Variants in PDE4D observed in about 807,000 individuals in gnomAD.
The protein encoded by PDE4D is 3',5'-cyclic-AMP phosphodiesterase 4D.
PDE4D carries 24 observed loss-of-function variants against 87.4 expected under a neutral mutation model. The ratio of observed to expected loss-of-function variants is 0.27; its 90% CI spans 0.20 to 0.39. The LOEUF (loss-of-function observed/expected upper bound fraction) is 0.39. PDE4D is among the 10% of genes least tolerant of loss of function. The pLI is 1.00. For synonymous variants in PDE4D, 384 were observed against 383.2 expected (o/e 1.00, Z -0.02); for missense variants, 714 against 1,041.0 (o/e 0.69, Z 4.32).
intron 1 of PDE4D, among the ~76,000 whole-genome samples, chr5:60,314,048 T>C (rs1476459680): frequency 1.3e-5 from 2 of 151,888 alleles, no homozygotes; most frequent in Non-Finnish European, 2.9e-5. Flanking sequence ...ATGCCAAATA[T>C]CACTACTACT....
chr5:59,945,725 A>T (rs1160393686), intron 3 of PDE4D, among the ~76,000 whole-genome samples: 2 of 152,226 alleles, frequency 1.3e-5, no homozygotes, highest in Non-Finnish European at 2.9e-5. Flanking sequence ...CATGTCTCAA[A>T]GCCTAATGCC....
At chr5:58,980,957 G>A (rs1744975816) in intron 11 of PDE4D, among the ~76,000 whole-genome samples, 1 of 152,142 alleles carries the variant, frequency 6.6e-6, no homozygotes, top group Non-Finnish European at 1.5e-5. Flanking sequence ...TGATGTTAGA[G>A]GCAGGAGAAT....
intron 1 of PDE4D, among the ~76,000 whole-genome samples, chr5:59,430,844 A>T (rs1346320060): frequency 6.6e-6 from 1 of 152,192 alleles, no homozygotes; most frequent in East Asian, 1.9e-4. Context: ...TAAACAAAGC[A>T]TGCATATCTG....
intron 2 of PDE4D, among the ~76,000 whole-genome samples, chr5:60,043,650 G>C (rs1046738541): frequency 1.4e-5 from 2 of 145,940 alleles, no homozygotes; most frequent in Non-Finnish European, 3.0e-5. Context: ...TTAAAGGAAG[G>C]AATTTTCTTT....
At chr5:59,773,779 A>G (rs1366625978) in intron 1 of PDE4D, among the ~76,000 whole-genome samples, 2 of 152,154 alleles carry the variant, frequency 1.3e-5, no homozygotes, top group African/African-American at 2.4e-5. Flanking sequence ...ACATCTGAAC[A>G]CTGTAGAACA....
chr5:59,707,808 C>T (rs1347697267), intron 1 of PDE4D, among the ~76,000 whole-genome samples: 1 of 152,138 alleles, frequency 6.6e-6, no homozygotes, highest in Non-Finnish European at 1.5e-5. Context: ...TTTATGGCTG[C>T]ATGGTATCCC....
At chr5:59,458,662 T>C (rs1198620021) in intron 1 of PDE4D, among the ~76,000 whole-genome samples, 1 of 152,210 alleles carries the variant, frequency 6.6e-6, no homozygotes. Context: ...CAAACCCAGA[T>C]TGGTACCTTG....
intron 5 of PDE4D, among the ~76,000 whole-genome samples, chr5:59,102,278 G>T (rs192232426): frequency 2.6e-5 from 4 of 151,504 alleles, no homozygotes; most frequent in Non-Finnish European, 5.9e-5. Flanking sequence ...TAGAGATGGG[G>T]TTTCTCCATG....
chr5:59,983,337 TAC>T (rs999132187), intron 3 of PDE4D, among the ~76,000 whole-genome samples: 1 of 152,136 alleles, frequency 6.6e-6, no homozygotes, highest in Non-Finnish European at 1.5e-5. Context: ...CTTCTTGCCT[TAC>T]AGTTTCCTCT....
At chr5:59,711,424 T>G (rs1205151020) in intron 1 of PDE4D, among the ~76,000 whole-genome samples, 1 of 152,178 alleles carries the variant, frequency 6.6e-6, no homozygotes, top group Non-Finnish European at 1.5e-5. Flanking sequence ...ATCCATTCAT[T>G]TATCTAGCCA....
intron 1 of PDE4D, among the ~76,000 whole-genome samples, chr5:60,339,425 C>G (rs73106774): frequency 0.055 from 8,362 of 152,144 alleles, 772 homozygotes; most frequent in African/African-American, 0.19. Context: ...ATGCTACACA[C>G]CCCAGGCAGG....
intron 1 of PDE4D, among the ~76,000 whole-genome samples, chr5:59,805,873 G>A (rs962971842): frequency 2.6e-5 from 4 of 152,184 alleles, no homozygotes; most frequent in Non-Finnish European, 5.9e-5. Flanking sequence ...ACTGTTGGGT[G>A]GCCTGTGCCT....
chr5:59,384,228 T>C (rs1582283765), intron 1 of PDE4D, among the ~76,000 whole-genome samples: 1 of 152,110 alleles, frequency 6.6e-6, no homozygotes, highest in South Asian at 2.1e-4. Flanking sequence ...TACTTAACAA[T>C]TATTATGAGA....
chr5:60,081,659 A>G (rs186156564), intron 2 of PDE4D, among the ~76,000 whole-genome samples: 58 of 152,280 alleles, frequency 3.8e-4, no homozygotes, highest in African/African-American at 1.3e-3. Context: ...ACCAGGAGTC[A>G]TTCAGGAGCA....
At chr5:59,425,488 A>C (rs75955792) in intron 1 of PDE4D, among the ~76,000 whole-genome samples, 1 of 152,322 alleles carries the variant, frequency 6.6e-6, no homozygotes, top group East Asian at 1.9e-4. Flanking sequence ...GTCCCTAGAC[A>C]TTGCCAAATG....
At chr5:59,395,420 C>T (rs1789198090) in intron 1 of PDE4D, among the ~76,000 whole-genome samples, 1 of 152,220 alleles carries the variant, frequency 6.6e-6, no homozygotes. Flanking sequence ...TCAAGTGGGT[C>T]TCTGACCCCT....
At position 59,614,876 on chromosome 5, in the gene PDE4D, G is replaced by T. The variant is rs571216952; in HGVS notation, c.455+278292C>A. Reference sequence around the variant, plus strand: ...TGGTAGGGTCTCTCTCTATCATCTAGACCTGAGTGCAGTGGCACAGTCTCG... The same window carrying T: ...TGGTAGGGTCTCTCTCTATCATCTATACCTGAGTGCAGTGGCACAGTCTCG... On this transcript the variant is annotated intron_variant, in intron 1 of 14. Coordinates refer to ENST00000340635, the MANE Select transcript of PDE4D (RefSeq NM_001104631.2). Among the ~76,000 whole-genome samples, 3 of 148,624 alleles carry T rather than the reference G, an allele frequency of 2.0e-5. 1 individual carries two copies. In the East Asian group the frequency reaches 6.0e-4, roughly 30 times the overall value.
At chr5:59,741,756 A>T (rs1414442357) in intron 1 of PDE4D, among the ~76,000 whole-genome samples, 2 of 152,184 alleles carry the variant, frequency 1.3e-5, no homozygotes, top group Non-Finnish European at 2.9e-5. Context: ...AAAACTAAAC[A>T]TTCTCTTAGT....
chr5:59,197,070 AT>A (rs910632670), intron 2 of PDE4D, among the ~76,000 whole-genome samples: 4 of 152,088 alleles, frequency 2.6e-5, no homozygotes, highest in Admixed American at 2.0e-4. Context: ...TATAAAGTTT[AT>A]TTTTTTCAGG....
Sources: allele counts gnomAD v4.1 joint callset (sites outside exome capture counted in the v4.1 genomes callset), GRCh38; gene constraint gnomAD v4.1.1; transcripts MANE v1.5; gene names NCBI Gene and HGNC (gene_info 2026-07-23, HGNC 2026-07-21).